MME: variants seen among roughly 807,000 people sequenced by gnomAD.
The protein encoded by MME is membrane metalloendopeptidase.
Under a neutral mutation model 113.2 loss-of-function variants are expected in MME, and 98 were observed. The observed-to-expected ratio is 0.87, with a 90% CI of 0.74 to 1.02. MME has a LOEUF of 1.02. MME is among the 50% of genes least tolerant of loss of function. The pLI is 0.00. For synonymous variants in MME, 292 were observed against 300.6 expected, an observed-to-expected ratio of 0.97 and a Z score of 0.30; for missense variants, 836 against 896.0, an observed-to-expected ratio of 0.93 and a Z score of 0.86.
chr3:155,157,661 A>G (rs1036623415), intron 16 of MME, among the ~76,000 whole-genome samples: 8 of 152,154 alleles, frequency 5.3e-5, no homozygotes, highest in Non-Finnish European at 8.8e-5. Flanking sequence ...TTAAGATGTA[A>G]TGATCTAATC....
Position 155,116,468 on chromosome 3 carries a change from T to C in MME, c.359-11T>C. On this transcript the variant is annotated splice_polypyrimidine_tract_variant and intron_variant, in intron 4 of 22. Transcript: ENST00000360490. ...TTATGTTGATGCATTTTATTAAATG[T>C]CCTATTTCAGATGTCCTTCAAGAAC... The C allele has an allele frequency of 6.3e-7, 1 of 1,581,872 alleles. No individual in the cohort carries two copies.
At chr3:155,025,988 G>T (rs1712771041) in intron 1 of MME, among the ~76,000 whole-genome samples, 1 of 151,870 alleles carries the variant, frequency 6.6e-6, no homozygotes, top group Admixed American at 6.6e-5. Flanking sequence ...TCAGGTTTTA[G>T]CAAACCATAG....
At chr3:155,176,482 T>C (rs1379998375) in intron 22 of MME, among the ~76,000 whole-genome samples, 1 of 152,198 alleles carries the variant, frequency 6.6e-6, no homozygotes, top group Non-Finnish European at 1.5e-5. Context: ...TAATGTGATC[T>C]CACTCTTAGA....
At position 155,114,195 on chromosome 3, in the gene MME, C is replaced by A. The variant is rs61763242; in HGVS notation, c.197-799C>A. On this transcript the variant is annotated intron_variant, in intron 3 of 22. Coordinates refer to ENST00000360490, the MANE Select transcript of MME (RefSeq NM_007289.4). ...AGACTCAAAGTGGGGAGGGCAGGAG[C>A]AGAATTTTCTCTGTTCCGGGTATAG... 9.2e-3 allele frequency among the ~76,000 whole-genome samples: 1,403 copies of A among 152,212 alleles called. 11 individuals carry two copies. Among genetic ancestry groups the A allele is most frequent in the Non-Finnish European group, 0.016 (1,110 of 68,014 alleles).
At chr3:155,078,463 T>C (rs940123333), upstream of MME, among the ~76,000 whole-genome samples, 6 of 152,190 alleles carry the variant, frequency 3.9e-5, no homozygotes, top group African/African-American at 1.4e-4. Flanking sequence ...TGTCTCTCCA[T>C]TGTATTCCAC....
At chr3:155,135,658 C>T (rs1338921994) in intron 8 of MME, among the ~76,000 whole-genome samples, 2 of 151,988 alleles carry the variant, frequency 1.3e-5, no homozygotes, top group Non-Finnish European at 1.5e-5. Flanking sequence ...ATTGTTTTTT[C>T]TAATTCTGTG....
In MME at chr3:155,126,994, C is replaced by T. The variant is rs141688530; in HGVS notation, c.720+8183C>T. On this transcript the variant is annotated intron_variant, in intron 8 of 22. Coordinates refer to ENST00000360490, the MANE Select transcript of MME (RefSeq NM_007289.4). The stretch of plus-strand genomic sequence containing the variant: ...TGGACTCCAGCCTGGGCAACAAGAG[C>T]GAAACTCCATCTCAAAAAAAAAAAA... Among the ~76,000 whole-genome samples the T allele has an allele frequency of 5.2e-3, 705 of 136,714 alleles. 5 individuals are homozygous for T. The highest frequency in any genetic ancestry group is 0.021 in the South Asian group (90 of 4,304). The allele number at this position is 136,714 out of a possible 152,430, so 89.7% of individuals were successfully genotyped here.
intron 3 of MME, among the ~76,000 whole-genome samples, chr3:155,088,683 C>CAAAAAA (rs59288472): frequency 2.3e-5 from 2 of 86,666 alleles, no homozygotes; most frequent in East Asian, 2.6e-4. Flanking sequence ...AACTCCATCT[C>CAAAAAA]AAAAAAAAAA....
At chr3:155,048,163 C>T (rs1404395269) in intron 1 of MME, among the ~76,000 whole-genome samples, 1 of 152,126 alleles carries the variant, frequency 6.6e-6, no homozygotes, top group Non-Finnish European at 1.5e-5. Flanking sequence ...AGGCAGAAAC[C>T]TGTGTAGGAT....
chr3:155,121,337 A>G (rs1360180694), intron 8 of MME, among the ~76,000 whole-genome samples: 1 of 150,346 alleles, frequency 6.7e-6, no homozygotes, highest in Non-Finnish European at 1.5e-5. Flanking sequence ...GGGGTTTTCT[A>G]GATATACAAT....
At chr3:155,071,344 A>G (rs1354572942) in intron 1 of MME, among the ~76,000 whole-genome samples, 2 of 152,216 alleles carry the variant, frequency 1.3e-5, no homozygotes, top group Admixed American at 6.5e-5. Flanking sequence ...GTATCAGCAC[A>G]TGGAACAGTT....
At chr3:155,086,961 T>C (rs1241778126) in intron 3 of MME, among the ~76,000 whole-genome samples, 2 of 151,884 alleles carry the variant, frequency 1.3e-5, no homozygotes, top group Non-Finnish European at 2.9e-5. Flanking sequence ...CCTGCCACCA[T>C]TCCTGGCTAG....
At position 155,132,883 on chromosome 3, in the gene MME, G is replaced by A. The variant is rs544717055; in HGVS notation, c.721-5219G>A. Among the ~76,000 whole-genome samples the A allele has an allele frequency of 1.8e-4, 27 of 150,682 alleles. 2 individuals are homozygous for A. The South Asian group carries it at 4.8e-3, about 27-fold the overall frequency. On this transcript the variant is annotated intron_variant, in intron 8 of 22. Coordinates refer to ENST00000360490, the MANE Select transcript of MME (RefSeq NM_007289.4). ...AGCCTGACCAACGTAGTGAAACCCC[G>A]TCTCTACTAAATACAAAAAATTAGC...
At chr3:155,102,522 TC>T (rs1282009097) in intron 3 of MME, among the ~76,000 whole-genome samples, 3 of 152,146 alleles carry the variant, frequency 2.0e-5, no homozygotes, top group Non-Finnish European at 2.9e-5. Context: ...CAAGAGCCCT[TC>T]CTGGATTCAT....
intron 8 of MME, among the ~76,000 whole-genome samples, chr3:155,130,439 A>G (rs199720507): frequency 1.2e-4 from 18 of 152,198 alleles, no homozygotes; most frequent in Admixed American, 2.0e-4. Context: ...GCTACAGGGT[A>G]TACTGCTGCA....
chr3:155,171,429 C>T (rs1711958554), intron 20 of MME, among the ~76,000 whole-genome samples: 1 of 151,984 alleles, frequency 6.6e-6, no homozygotes, highest in African/African-American at 2.4e-5. Context: ...CATCTCAGAA[C>T]GTTTATTATG....
chr3:155,064,021 T>C (rs1315843873), intron 1 of MME, among the ~76,000 whole-genome samples: 1 of 152,038 alleles, frequency 6.6e-6, no homozygotes, highest in African/African-American at 2.4e-5. Context: ...CCCAGCATGG[T>C]GGCTCATGCC....
chr3:155,053,993 A>G (rs1453861952), intron 1 of MME, among the ~76,000 whole-genome samples: 2 of 152,178 alleles, frequency 1.3e-5, no homozygotes, highest in Admixed American at 6.5e-5. Flanking sequence ...TGTTTATCCT[A>G]TGCGTGTCCC....
At chr3:155,139,255 T>A (rs1486177699) in intron 9 of MME, among the ~76,000 whole-genome samples, 1 of 152,156 alleles carries the variant, frequency 6.6e-6, no homozygotes, top group Non-Finnish European at 1.5e-5. Flanking sequence ...CAGCATCAGC[T>A]CTGTAGTGTT....
Sources: allele counts gnomAD v4.1 joint callset (sites outside exome capture counted in the v4.1 genomes callset), GRCh38; gene constraint gnomAD v4.1.1; transcripts MANE v1.5; gene names NCBI Gene and HGNC (gene_info 2026-07-23, HGNC 2026-07-21).